The following POU6F2 variants were observed in gnomAD, a reference collection of about 807,000 sequenced individuals.
POU6F2 encodes the protein POU domain, class 6, transcription factor 2.
In POU6F2, 31 loss-of-function variants were observed where a neutral mutation model predicts 71.3. The ratio of observed to expected loss-of-function variants is 0.43; its 90% CI spans 0.33 to 0.59. POU6F2 has a LOEUF of 0.59. Among genes scored for constraint, POU6F2 ranks in the 20% least tolerant of loss-of-function variants. The pLI, the probability that POU6F2 is intolerant of heterozygous loss-of-function variation, is 0.04. For missense variants in POU6F2, 783 were observed against 856.8 expected, an observed-to-expected ratio of 0.91 and a Z score of 1.07; for synonymous variants, 347 against 355.7, an observed-to-expected ratio of 0.98 and a Z score of 0.27.
At chr7:39,210,749 C>T (rs998080319) in intron 4 of POU6F2, among the ~76,000 whole-genome samples, 1 of 152,110 alleles carries the variant, frequency 6.6e-6, no homozygotes, top group Non-Finnish European at 1.5e-5. Flanking sequence ...CCGAGATACC[C>T]AAGACTCTCG....
intron 2 of POU6F2, among the ~76,000 whole-genome samples, chr7:39,154,166 A>G (rs1220568212): frequency 6.6e-6 from 1 of 152,210 alleles, no homozygotes; most frequent in African/African-American, 2.4e-5. Context: ...AAATCAAGTT[A>G]AAGGGATGTG....
chr7:39,464,348 C>T lies in POU6F2; in HGVS notation c.1825C>T (p.Arg609Trp), dbSNP rs369610763. 9.3e-6 allele frequency: 15 copies of T among 1,613,890 alleles called. No homozygotes were observed. Among genetic ancestry groups the T allele is most frequent in the African/African-American group, 2.7e-5 (2 of 74,908 alleles). The stretch of plus-strand genomic sequence containing the variant: ...CCAGAAGATCAAGCCGGTGCTTGAG[C>T]GGTGGATGGCTGAGGCTGAGGCCCG... ...SAQKIKPVLERWMAEAEARHR... is the reference protein window; with the variant it reads ...SAQKIKPVLEWWMAEAEARHR... The change falls in exon 10 of 10, where the codon CGG (arginine) becomes TGG (tryptophan). Residue 609 changes from arginine to tryptophan, a missense_variant. Around this residue, in one of 2 missense-constraint regions of POU6F2, gnomAD observed 211 missense variants for 283.9 expected, o/e 0.74. Coordinates refer to ENST00000518318, the MANE Select transcript of POU6F2 (RefSeq NM_001370959.1). This position sits in a 1 kb window ranked among gnomAD's most constrained non-coding sequence, Gnocchi z 4.1.
At chr7:39,049,438 T>A (rs1222567024) in intron 1 of POU6F2, among the ~76,000 whole-genome samples, 1 of 152,058 alleles carries the variant, frequency 6.6e-6, no homozygotes, top group African/African-American at 2.4e-5. Flanking sequence ...TAGAAGTGTG[T>A]TGTTTAATTT....
intron 5 of POU6F2, among the ~76,000 whole-genome samples, chr7:39,402,295 C>A (rs749569013): frequency 2.6e-5 from 4 of 152,044 alleles, no homozygotes; most frequent in African/African-American, 9.7e-5. Flanking sequence ...CAAGGAGATG[C>A]ACAAAGTATA....
chr7:39,001,240 T>C (rs1788895898), intron 1 of POU6F2, among the ~76,000 whole-genome samples: 1 of 151,064 alleles, frequency 6.6e-6, no homozygotes, highest in African/African-American at 2.5e-5. Context: ...AGATCATTCT[T>C]TGACACAGGC....
intron 1 of POU6F2, among the ~76,000 whole-genome samples, chr7:39,016,015 TA>T (rs1789521086): frequency 3.5e-5 from 1 of 28,324 alleles, no homozygotes. Flanking sequence ...TATTATATAT[TA>T]TATATATTAT....
intron 2 of POU6F2, among the ~76,000 whole-genome samples, chr7:39,153,839 C>T (rs867715399): frequency 9.9e-5 from 15 of 152,202 alleles, no homozygotes; most frequent in Middle Eastern, 3.4e-3. Flanking sequence ...GCAAAGGGGA[C>T]GCACTTGGAA....
intron 1 of POU6F2, among the ~76,000 whole-genome samples, chr7:39,072,643 A>G (rs919797388): frequency 1.3e-5 from 2 of 152,198 alleles, no homozygotes; most frequent in African/African-American, 4.8e-5. Context: ...ACAGCAACTC[A>G]GATGCTTCAT....
intron 5 of POU6F2, among the ~76,000 whole-genome samples, chr7:39,395,889 C>T (rs541170206): frequency 1.3e-5 from 2 of 152,278 alleles, no homozygotes; most frequent in South Asian, 4.1e-4. Flanking sequence ...AAAAAACTTT[C>T]ATCACAAGAG....
intron 7 of POU6F2, among the ~76,000 whole-genome samples, chr7:39,434,650 T>TAA (rs139761263): frequency 2.1e-5 from 3 of 141,894 alleles, no homozygotes; most frequent in African/African-American, 7.7e-5. Context: ...AAACTTCTTC[T>TAA]AAAAAAAAAA....
chr7:39,464,346 A>C lies in POU6F2; in HGVS notation c.1823A>C (p.Glu608Ala). The stretch of plus-strand genomic sequence containing the variant: ...GCCCAGAAGATCAAGCCGGTGCTTG[A>C]GCGGTGGATGGCTGAGGCTGAGGCC... ...KSAQKIKPVLERWMAEAEARH... is the reference protein window; with the variant it reads ...KSAQKIKPVLARWMAEAEARH... The change falls in exon 10 of 10, where the codon GAG becomes GCG. Residue 608 changes from glutamate (E) to alanine (A), a missense_variant. Glu to Ala is a moderately radical substitution (Grantham distance 107). Coordinates refer to ENST00000518318, the MANE Select transcript of POU6F2 (RefSeq NM_001370959.1). This position sits in a 1 kb window ranked among gnomAD's most constrained non-coding sequence, Gnocchi z 4.1. 1 of 1,614,046 alleles carries C rather than the reference A, an allele frequency of 6.2e-7. No homozygotes were observed.
chr7:39,041,427 C>G (rs1790191775), intron 1 of POU6F2, among the ~76,000 whole-genome samples: 1 of 151,912 alleles, frequency 6.6e-6, no homozygotes, highest in South Asian at 2.1e-4. Context: ...AGATTGCTCT[C>G]CAAAATCATT....
chr7:38,982,934 G>A (rs1312828670), intron 1 of POU6F2, among the ~76,000 whole-genome samples: 1 of 152,038 alleles, frequency 6.6e-6, no homozygotes, highest in Non-Finnish European at 1.5e-5. Flanking sequence ...GTCAGTGAAG[G>A]ATGTTTCTTC....
intron 1 of POU6F2, among the ~76,000 whole-genome samples, chr7:38,999,183 G>T (rs368348817): frequency 2.0e-4 from 30 of 152,198 alleles, no homozygotes; most frequent in African/African-American, 6.7e-4. Context: ...GAAAAATGTG[G>T]AATATACTGT....
intron 2 of POU6F2, among the ~76,000 whole-genome samples, chr7:39,185,395 G>C (rs1293042758): frequency 6.6e-6 from 1 of 152,142 alleles, no homozygotes; most frequent in Non-Finnish European, 1.5e-5. Flanking sequence ...CAAGCAACCA[G>C]GTTTTTAAAC....
At chr7:39,461,581 C>A (rs1788950561) in intron 9 of POU6F2, among the ~76,000 whole-genome samples, 1 of 152,170 alleles carries the variant, frequency 6.6e-6, no homozygotes, top group Non-Finnish European at 1.5e-5. Context: ...GAAATGCTGT[C>A]TTTTTATCTG....
At chr7:39,190,631 C>CTTTTTTT (rs58654872) in intron 2 of POU6F2, among the ~76,000 whole-genome samples, 2 of 74,202 alleles carry the variant, frequency 2.7e-5, no homozygotes, top group Non-Finnish European at 4.7e-5. Context: ...GAGTCAACTT[C>CTTTTTTT]TTTTTTTTTT....
intron 1 of POU6F2, among the ~76,000 whole-genome samples, chr7:39,069,002 G>A (rs1245950808): frequency 5.3e-5 from 8 of 152,054 alleles, no homozygotes; most frequent in Admixed American, 6.6e-5. Flanking sequence ...CAGGACCTGC[G>A]GATCACACAT....
intron 4 of POU6F2, among the ~76,000 whole-genome samples, chr7:39,276,565 G>T (rs907758709): frequency 2.6e-5 from 4 of 151,234 alleles, no homozygotes; most frequent in South Asian, 2.1e-4. Flanking sequence ...TATACCCAAA[G>T]GACTATAAAT....
Sources: gnomAD v4.1 joint callset for allele counts (sites outside exome capture counted in the v4.1 genomes callset) on GRCh38, gnomAD v4.1.1 for gene constraint, gnomAD v4.1.1 regional missense constraint, Gnocchi (gnomAD v3.1) non-coding constraint, MANE v1.5 for transcripts, NCBI Gene and HGNC (gene_info 2026-07-23, HGNC 2026-07-21) for gene names.